NUAK1: variants seen among roughly 807,000 people sequenced by gnomAD.
NUAK1 encodes the protein NUAK family SNF1-like kinase 1.
In NUAK1, 26 loss-of-function variants were observed where a neutral mutation model predicts 56.9. That is an observed-to-expected ratio of 0.46 (90% confidence interval 0.33 to 0.63). NUAK1 has a LOEUF of 0.63. NUAK1 is among the 30% of genes least tolerant of loss of function. The pLI, the probability that NUAK1 is intolerant of heterozygous loss-of-function variation, is 0.02. For synonymous variants in NUAK1, 337 were observed against 336.0 expected, an observed-to-expected ratio of 1.00 and a Z score of -0.03; for missense variants, 727 against 876.1, an observed-to-expected ratio of 0.83 and a Z score of 2.15.
chr12:106,104,150 G>A (rs1592856540), intron 2 of NUAK1: 1 of 150,120 alleles, frequency 6.7e-6, no homozygotes, highest in East Asian at 2.0e-4. Context: ...ACTGCAACCT[G>A]TGCCTCCTAG....
At chr12:106,125,035 T>TAAATA (rs755044667) in intron 1 of NUAK1, among the ~76,000 whole-genome samples, 24 of 151,464 alleles carry the variant, frequency 1.6e-4, no homozygotes, top group Middle Eastern at 3.4e-3. Flanking sequence ...AATAAATAAA[T>TAAATA]ATCTGTTGAA....
intron 2 of NUAK1, 62 bp downstream of exon 2, chr12:106,106,343 A>C: frequency 6.9e-7 from 1 of 1,456,332 alleles, no homozygotes; most frequent in Non-Finnish European, 9.3e-7. Flanking sequence ...AAGTCTTGGC[A>C]GGCCCCATGG....
intron 3 of NUAK1, among the ~76,000 whole-genome samples, chr12:106,084,291 T>C (rs2032550328): frequency 6.6e-6 from 1 of 152,160 alleles, no homozygotes; most frequent in South Asian, 2.1e-4. Flanking sequence ...TGGACGGGAT[T>C]CCCAGGGAAG....
intron 2 of NUAK1, among the ~76,000 whole-genome samples, chr12:106,097,687 T>C (rs2032708854): frequency 6.6e-6 from 1 of 152,212 alleles, no homozygotes; most frequent in East Asian, 1.9e-4. Context: ...GAATCAATTA[T>C]TTGGAAGGTT....
Position 106,067,991 on chromosome 12 carries a change from G to A in NUAK1, c.833-36C>T, listed in dbSNP as rs374096862. On this transcript the variant is annotated intron_variant, in intron 6 of 6. Transcript: ENST00000261402. This position sits in a 1 kb window ranked among gnomAD's most constrained non-coding sequence, Gnocchi z 6.0. The stretch of plus-strand genomic sequence containing the variant: ...AGGGACAAAAAGAATCGGGCATTAT[G>A]TGGGAGCTTCTGGCTTTGTGATAGT... The A allele has an allele frequency of 3.7e-4, 572 of 1,560,342 alleles. No homozygotes were observed. Among genetic ancestry groups the A allele is most frequent in the Non-Finnish European group, 4.4e-4 (504 of 1,151,508 alleles).
In NUAK1 at chr12:106,086,762, A is replaced by T; in HGVS notation, c.485T>A (p.Ile162Asn). ...GTGACAATAGTGCACAGCAGAGACG[A>T]TCTGCCGGAAGAAGTGCCGGGTCTC... ...ERETRHFFRQ[I>N]VSAVHYCHKN... The change falls in exon 3 of 7, where the codon ATC becomes AAC. Residue 162 changes from isoleucine to asparagine, a missense_variant. Physicochemically the swap from Ile to Asn is moderately radical, Grantham distance 149 (BLOSUM62 -3). Coordinates refer to ENST00000261402, the MANE Select transcript of NUAK1 (RefSeq NM_014840.3). The T allele has an allele frequency of 6.2e-7, 1 of 1,614,090 alleles. No individual in the cohort carries two copies. The highest frequency in any genetic ancestry group is 8.5e-7 in the Non-Finnish European group (1 of 1,179,972).
chr12:106,084,250 T>TGTG (rs1388000363), intron 3 of NUAK1, among the ~76,000 whole-genome samples: 1 of 152,194 alleles, frequency 6.6e-6, no homozygotes, highest in Non-Finnish European at 1.5e-5. Context: ...GAAAGCAATA[T>TGTG]AATCCCAGGC....
intron 2 of NUAK1, among the ~76,000 whole-genome samples, chr12:106,101,526 G>A (rs2032747869): frequency 6.6e-6 from 1 of 152,142 alleles, no homozygotes; most frequent in African/African-American, 2.4e-5. Flanking sequence ...CACATGTGGT[G>A]GGAAGAGGTA....
At chr12:106,125,834 A>G (rs1459152212) in intron 1 of NUAK1, among the ~76,000 whole-genome samples, 2 of 152,220 alleles carry the variant, frequency 1.3e-5, no homozygotes. Context: ...AGCAGCAAGC[A>G]CATCACTGCC....
In NUAK1 at chr12:106,125,690, C is replaced by T. The variant is rs529616035; in HGVS notation, c.240+12724G>A. On this transcript the variant is annotated intron_variant, in intron 1 of 6. Transcript: ENST00000261402. ...GTGGAGATTTCCACTTCATTTTTCT[C>T]CTCTCCAGGATCTCTACTACCTGCT... Among the ~76,000 whole-genome samples the T allele has an allele frequency of 1.1e-4, 16 of 152,238 alleles. 1 individual carries two copies. The South Asian group carries it at 3.3e-3, about 32-fold the overall frequency.
At chr12:106,095,006 T>G (rs921944562) in intron 2 of NUAK1, among the ~76,000 whole-genome samples, 1 of 152,096 alleles carries the variant, frequency 6.6e-6, no homozygotes, top group South Asian at 2.1e-4. Context: ...CTAGAAACCA[T>G]GCAGGGCCCT....
At position 106,070,720 on chromosome 12, in the gene NUAK1, G is replaced by A. The variant is rs1048882075; in HGVS notation, c.832+54C>T. ...AACAAAAGCAGAAAATAAGAGTTGG[G>A]TAAGCAGATCTCTCTCCCCTCCACC... On this transcript the variant is annotated intron_variant, in intron 6 of 6. Coordinates refer to ENST00000261402, the MANE Select transcript of NUAK1 (RefSeq NM_014840.3). 78 of 1,605,120 alleles carry A rather than the reference G, an allele frequency of 4.9e-5. No individual in the cohort carries two copies. The African/African-American group carries it at 8.0e-4, about 16-fold the overall frequency.
In NUAK1 at chr12:106,111,716, C is replaced by T. The variant is rs77761470; in HGVS notation, c.241-5191G>A. 8.3e-4 allele frequency among the ~76,000 whole-genome samples: 126 copies of T among 152,206 alleles called. 1 individual carries two copies. The East Asian group carries it at 0.015, about 18-fold the overall frequency. On this transcript the variant is annotated intron_variant, in intron 1 of 6. Coordinates refer to ENST00000261402, the MANE Select transcript of NUAK1 (RefSeq NM_014840.3). ...TTGGAGTAGCCAGGTCTTAGTGCTT[C>T]GTCTTTGACCCTCAACATTTTTAAA...
At chr12:106,137,938 A>C (rs1256991684) in intron 1 of NUAK1, among the ~76,000 whole-genome samples, 1 of 152,246 alleles carries the variant, frequency 6.6e-6, no homozygotes, top group East Asian at 1.9e-4. Context: ...GGGAGGATGC[A>C]GAGCAAGGAG....
At chr12:106,076,925 G>A (rs2032470042) in intron 4 of NUAK1, among the ~76,000 whole-genome samples, 1 of 152,170 alleles carries the variant, frequency 6.6e-6, no homozygotes, top group African/African-American at 2.4e-5. Flanking sequence ...AGAGATGGAT[G>A]ATGGTAATGC....
chr12:106,137,592 G>A (rs1173257981), intron 1 of NUAK1, among the ~76,000 whole-genome samples: 1 of 152,222 alleles, frequency 6.6e-6, no homozygotes, highest in African/African-American at 2.4e-5. Flanking sequence ...CAGACCCCAA[G>A]GCACTCAAAG....
Position 106,138,868 on chromosome 12 carries a change from C to G in NUAK1, c.-215G>C, listed in dbSNP as rs916458848. On this transcript the variant is annotated 5_prime_UTR_variant, in exon 1 of 7. Coordinates refer to ENST00000261402, the MANE Select transcript of NUAK1 (RefSeq NM_014840.3). This position sits in a 1 kb window ranked among gnomAD's most constrained non-coding sequence, Gnocchi z 5.0. ...GCGCGCACGGTCCGCGCACCGCCCCCCGGCCGCGGCGAGCTGTGGAGCGTC... is the reference window on the plus strand; with the variant it reads ...GCGCGCACGGTCCGCGCACCGCCCCGCGGCCGCGGCGAGCTGTGGAGCGTC... The G allele has an allele frequency of 1.9e-6, 1 of 527,376 alleles. No individual in the cohort carries two copies. Among genetic ancestry groups the G allele is most frequent in the South Asian group, 6.6e-5 (1 of 15,244 alleles). The allele number at this position is 527,376 out of a possible 1,614,324, so 32.7% of individuals were successfully genotyped here.
intron 2 of NUAK1, among the ~76,000 whole-genome samples, chr12:106,099,525 C>T (rs551017453): frequency 7.6e-4 from 116 of 152,278 alleles, no homozygotes; most frequent in Non-Finnish European, 1.4e-3. Flanking sequence ...AGTTAGGGGT[C>T]TCTGCAGACC....
chr12:106,121,776 G>C (rs1281749086), intron 1 of NUAK1, among the ~76,000 whole-genome samples: 1 of 152,006 alleles, frequency 6.6e-6, no homozygotes, highest in African/African-American at 2.4e-5. Context: ...GGGGGGTGTG[G>C]GGAGGGAGGA....
Sources: allele counts gnomAD v4.1 joint callset (sites outside exome capture counted in the v4.1 genomes callset), GRCh38; gene constraint gnomAD v4.1.1; non-coding constraint Gnocchi (gnomAD v3.1); transcripts MANE v1.5; gene names NCBI Gene and HGNC (gene_info 2026-07-23, HGNC 2026-07-21).